HGSNAT: variants seen among roughly 807,000 people sequenced by gnomAD.
HGSNAT encodes heparan-alpha-glucosaminide N-acetyltransferase, also known as transmembrane protein 76.
In HGSNAT, 59 loss-of-function variants were observed where a neutral mutation model predicts 85.2. The observed-to-expected ratio is 0.69, with a 90% CI of 0.56 to 0.86. The LOEUF (loss-of-function observed/expected upper bound fraction) is 0.86. Ranked by LOEUF, HGSNAT falls within the 40% of genes least tolerant of loss-of-function variation. HGSNAT has a pLI of 0.00. For synonymous variants in HGSNAT, 321 were observed against 304.5 expected, an observed-to-expected ratio of 1.05 and a Z score of -0.56; for missense variants, 756 against 777.1, an observed-to-expected ratio of 0.97 and a Z score of 0.32.
chr8:43,155,091 A>G (rs1306810086), intron 2 of HGSNAT, among the ~76,000 whole-genome samples: 1 of 152,126 alleles, frequency 6.6e-6, no homozygotes, highest in African/African-American at 2.4e-5. Context: ...TTTTGGATCT[A>G]TACCCAGTAG....
At chr8:43,192,541 G>C (rs191230060) in intron 13 of HGSNAT, 111 bp downstream of exon 13, 70 of 1,167,036 alleles carry the variant, frequency 6.0e-5, no homozygotes, top group Non-Finnish European at 7.8e-5. Flanking sequence ...AACACACTGA[G>C]AACTGATGAT....
At chr8:43,189,982 A>G (rs370110973) in intron 11 of HGSNAT, among the ~76,000 whole-genome samples, 3 of 152,254 alleles carry the variant, frequency 2.0e-5, no homozygotes, top group East Asian at 1.9e-4. Context: ...GATTTTTTCA[A>G]TTTCCTTGTA....
intron 4 of HGSNAT, 131 bp from the exon 5 acceptor site, chr8:43,161,307 T>C: frequency 6.1e-6 from 4 of 656,568 alleles, no homozygotes; most frequent in South Asian, 4.1e-5. Flanking sequence ...AGGGTGAGCA[T>C]AGGAAATTCA....
rs1212019495 is a variant in HGSNAT at position 43,173,819 on chromosome 8, C to G, written c.851+76C>G. On this transcript the variant is annotated intron_variant, in intron 9 of 17. Transcript: ENST00000379644. ...TGTTTTTCAGATGATGCTGGAGCCT[C>G]TCTTCTGAGACGGGCATGTGTTATG... 8 of 1,470,098 alleles carry G rather than the reference C, an allele frequency of 5.4e-6. No individual in the cohort carries two copies. In the East Asian group the frequency reaches 1.9e-4, roughly 35 times the overall value. The allele number at this position is 1,470,098 out of a possible 1,614,324, so 91.1% of individuals were successfully genotyped here. A position where few individuals can be genotyped will look rare whatever the true frequency, so the allele number is the denominator to read the frequency against.
Position 43,200,918 on chromosome 8 carries a change from G to A in HGSNAT, c.*1349G>A. ...ACCTGCCTGCTGGACCCCTCCACCTGGAGGCCAGCCCATGTCTCAGGCCCA... is the reference window on the plus strand; with the variant it reads ...ACCTGCCTGCTGGACCCCTCCACCTAGAGGCCAGCCCATGTCTCAGGCCCA... On this transcript the variant is annotated 3_prime_UTR_variant, in exon 18 of 18. Transcript: ENST00000379644. The A allele has an allele frequency of 6.5e-6, 1 of 152,804 alleles. No homozygotes were observed. Among genetic ancestry groups the A allele is most frequent in the Non-Finnish European group, 1.5e-5 (1 of 68,404 alleles). The allele number at this position is 152,804 out of a possible 1,614,324, so 9.5% of individuals were successfully genotyped here.
rs145202506 is a variant in HGSNAT, at chr8:43,141,944, C to A, written c.118+1330C>A. ...AGGTGGTTTGTAAATAGTAATCACA[C>A]GTAGTGAGGGGAAGCCGCGTTGGGA... On this transcript the variant is annotated intron_variant, in intron 1 of 17. Transcript: ENST00000379644. 6.6e-5 allele frequency among the ~76,000 whole-genome samples: 10 copies of A among 152,286 alleles called. No homozygotes were observed. The South Asian group carries it at 1.9e-3, about 28-fold the overall frequency.
At chr8:43,149,525 C>T (rs1160180613) in intron 2 of HGSNAT, among the ~76,000 whole-genome samples, 2 of 151,986 alleles carry the variant, frequency 1.3e-5, no homozygotes, top group African/African-American at 2.4e-5. Flanking sequence ...CGTGAAACCC[C>T]GTCTCTACTG....
At position 43,199,480 on chromosome 8, in the gene HGSNAT, G is replaced by T; in HGVS notation, c.1819G>T (p.Glu607Ter). 2 of 1,612,854 alleles carry T rather than the reference G, an allele frequency of 1.2e-6. No individual in the cohort carries two copies. The highest frequency in any genetic ancestry group is 1.7e-6 in the Non-Finnish European group (2 of 1,179,438). ...WKLKDNQSHK[E>*]HLTQNIVATA... ...GCTGAAGGACAACCAGTCCCACAAG[G>T]AGCACCTGACTCAGAACATCGTCGC... is the stretch of plus-strand genomic sequence containing the variant. Residue 607 changes from glutamate to a stop codon, truncating the protein, a stop_gained, in exon 18 of 18, where the codon GAG (glutamate) becomes TAG (stop). Transcript: ENST00000379644. LOFTEE classifies it high-confidence loss of function.
chr8:43,158,608 A>G lies in HGSNAT; in HGVS notation c.268A>G (p.Ser90Gly), dbSNP rs764229375. The stretch of plus-strand genomic sequence containing the variant: ...TCAGGTTCTGGTAAACGTTCCTCAG[A>G]GTCCAAAAGCAGGGAAGCCTAGTGC... The part of the protein sequence containing the change: ...LFQVLVNVPQ[S>G]PKAGKPSAAA... The change falls in exon 3 of 18, where the codon AGT becomes GGT. Residue 90 changes from serine (S) to glycine (G), a missense_variant. By Grantham distance (56) the Ser-to-Gly change is moderately conservative. Transcript: ENST00000379644. 2.2e-5 allele frequency: 35 copies of G among 1,613,858 alleles called. No individual in the cohort carries two copies. The South Asian group carries it at 3.6e-4, about 17-fold the overall frequency.
In HGSNAT at chr8:43,168,089, T is replaced by C. The variant is rs149825946; in HGVS notation, c.564-1084T>C. Reference sequence around the variant, plus strand: ...GCCCGCCACCATGCCTGGCTAATTTTTTTGTATTTTTAGTAGAGACAGGGT... The same window carrying C: ...GCCCGCCACCATGCCTGGCTAATTTCTTTGTATTTTTAGTAGAGACAGGGT... On this transcript the variant is annotated intron_variant, in intron 5 of 17. Transcript: ENST00000379644. 9.5e-3 allele frequency: 1,676 copies of C among 176,442 alleles called. 8 individuals carry two copies. The highest frequency in any genetic ancestry group is 0.014 in the Non-Finnish European group (1,103 of 81,490). The allele number at this position is 176,442 out of a possible 1,614,324, so 10.9% of individuals were successfully genotyped here.
chr8:43,168,985 T>C (rs934423150), intron 5 of HGSNAT, among the ~76,000 whole-genome samples, 188 bp from the exon 6 acceptor site: 1 of 152,144 alleles, frequency 6.6e-6, no homozygotes, highest in African/African-American at 2.4e-5. Flanking sequence ...GCTGTCAGAG[T>C]TGAGTATTTA....
chr8:43,157,772 C>T (rs558109946), intron 2 of HGSNAT, among the ~76,000 whole-genome samples: 50 of 152,026 alleles, frequency 3.3e-4, no homozygotes, highest in African/African-American at 1.2e-3. Flanking sequence ...AGTGAGACCC[C>T]ATCTCAAAAC....
rs114651020 is a variant in HGSNAT, at chr8:43,168,249, C to A, written c.564-924C>A. Among the ~76,000 whole-genome samples the A allele has an allele frequency of 5.6e-3, 849 of 152,008 alleles. 11 individuals are homozygous for A. The highest frequency in any genetic ancestry group is 0.02 in the African/African-American group (814 of 41,472). On this transcript the variant is annotated intron_variant, in intron 5 of 17. Coordinates refer to ENST00000379644, the MANE Select transcript of HGSNAT (RefSeq NM_152419.3). ...CATTTTGAATTAAAGCAACCATATTCAAAAAGAACCCAGTACATTAACTAT... is the reference window on the plus strand; with the variant it reads ...CATTTTGAATTAAAGCAACCATATTAAAAAAGAACCCAGTACATTAACTAT...
At chr8:43,175,275 A>G (rs1016907089) in intron 9 of HGSNAT, among the ~76,000 whole-genome samples, 3 of 152,010 alleles carry the variant, frequency 2.0e-5, no homozygotes, top group African/African-American at 7.2e-5. Flanking sequence ...TGGTACCTCT[A>G]CTTTTAGGTT....
intron 11 of HGSNAT, among the ~76,000 whole-genome samples, chr8:43,183,533 C>T (rs571603935): frequency 1.3e-4 from 20 of 151,266 alleles, no homozygotes; most frequent in South Asian, 2.1e-4. Context: ...TGCAGTGGCG[C>T]GATCTGGGCT....
intron 10 of HGSNAT, among the ~76,000 whole-genome samples, chr8:43,178,764 C>T (rs1158728786): frequency 6.7e-6 from 1 of 149,398 alleles, no homozygotes; most frequent in African/African-American, 2.5e-5. Context: ...CTTGGCCTTC[C>T]GCAGTGTTTG....
intron 1 of HGSNAT, among the ~76,000 whole-genome samples, chr8:43,141,288 A>AGCCGCCGCCGCCGCC (rs545919735): frequency 4.0e-5 from 6 of 151,830 alleles, no homozygotes; most frequent in African/African-American, 1.4e-4. Flanking sequence ...GTGACTGGGA[A>AGCCGCCGCCGCCGCC]GCCGCCGCCG....
intron 15 of HGSNAT, 133 bp downstream of exon 15, chr8:43,197,158 A>C (rs550921327): frequency 3.0e-6 from 2 of 661,320 alleles, no homozygotes; most frequent in South Asian, 3.5e-5. Flanking sequence ...CTTCACTTGA[A>C]TAACAGAGAG....
At chr8:43,155,076 C>T (rs972361633) in intron 2 of HGSNAT, among the ~76,000 whole-genome samples, 1 of 151,954 alleles carries the variant, frequency 6.6e-6, no homozygotes, top group Non-Finnish European at 1.5e-5. Context: ...AACTGATTTT[C>T]TTTCTTTTGG....
Sources: allele counts gnomAD v4.1 joint callset (sites outside exome capture counted in the v4.1 genomes callset), GRCh38; gene constraint gnomAD v4.1.1; transcripts MANE v1.5; gene names NCBI Gene and HGNC (gene_info 2026-07-23, HGNC 2026-07-21).